Variants in ITGA8 observed in about 807,000 individuals in gnomAD.
ITGA8 encodes integrin subunit alpha 8, also known as integrin alpha-8.
In ITGA8, 91 loss-of-function variants were observed where a neutral mutation model predicts 142.3. The observed-to-expected ratio is 0.64, with a 90% CI of 0.54 to 0.76. The LOEUF (loss-of-function observed/expected upper bound fraction) is 0.76. Among genes scored for constraint, ITGA8 ranks in the 30% least tolerant of loss-of-function variants. The pLI is 0.00. For missense variants in ITGA8, 1,406 were observed against 1,327.7 expected, an observed-to-expected ratio of 1.06 and a Z score of -0.92; for synonymous variants, 505 against 485.2, an observed-to-expected ratio of 1.04 and a Z score of -0.54.
In ITGA8 at chr10:15,644,344, C is replaced by T. The variant is rs577289332; in HGVS notation, c.1208-123G>A. 966 of 834,826 alleles carry T rather than the reference C, an allele frequency of 1.2e-3. 6 individuals carry two copies. Among genetic ancestry groups the T allele is most frequent in the Non-Finnish European group, 1.7e-3 (919 of 555,456 alleles). 51.7% of individuals were successfully genotyped at this position (834,826 alleles called of 1,614,324 possible). On this transcript the variant is annotated intron_variant, in intron 12 of 29. Transcript: ENST00000378076. ...GTGCAGTGGTGGGATCATGGCTCAC[C>T]GCAGCCCCACACTCCCGGACTCAAG...
chr10:15,543,825 G>A (rs1464681390), intron 27 of ITGA8, among the ~76,000 whole-genome samples: 1 of 152,156 alleles, frequency 6.6e-6, no homozygotes, highest in Non-Finnish European at 1.5e-5. Flanking sequence ...ATTAAGGTAA[G>A]GTTTGAGATG....
At chr10:15,710,794 A>T (rs1252973505) in intron 2 of ITGA8, among the ~76,000 whole-genome samples, 1 of 152,182 alleles carries the variant, frequency 6.6e-6, no homozygotes. Flanking sequence ...ATTGGCTTCC[A>T]CTGCTGTACC....
At chr10:15,546,910 A>G (rs1833683515) in intron 27 of ITGA8, among the ~76,000 whole-genome samples, 1 of 152,110 alleles carries the variant, frequency 6.6e-6, no homozygotes, top group South Asian at 2.1e-4. Context: ...TGGCTTCACA[A>G]TGACCTTTAA....
At chr10:15,618,834 G>C (rs775992801) in intron 13 of ITGA8, among the ~76,000 whole-genome samples, 1 of 152,146 alleles carries the variant, frequency 6.6e-6, no homozygotes, top group African/African-American at 2.4e-5. Flanking sequence ...ACCTCACCTT[G>C]TCATCGTGTG....
At chr10:15,649,211 A>C (rs1338022982) in intron 11 of ITGA8, among the ~76,000 whole-genome samples, 2 of 152,144 alleles carry the variant, frequency 1.3e-5, no homozygotes, top group Non-Finnish European at 2.9e-5. Flanking sequence ...AAGAATTCTT[A>C]AAAATTAACC....
Position 15,718,840 on chromosome 10 carries a change from C to G in ITGA8, c.269G>C (p.Gly90Ala). 4 of 1,614,176 alleles carry G rather than the reference C, an allele frequency of 2.5e-6. No homozygotes were observed. The highest frequency in any genetic ancestry group is 3.4e-6 in the Non-Finnish European group (4 of 1,180,036). Residue 90 changes from glycine (G) to alanine (A), a missense_variant, in exon 2 of 30, where the codon GGG becomes GCG. Physicochemically the swap from Gly to Ala is moderately conservative, Grantham distance 60. Transcript: ENST00000378076. ...ANTSQPDIVE[G>A]GAVYYCPWPA... ...CCAAGGACAGTAATAGACGGCTCCC[C>G]CTTCCACGATATCGGGCTGGCTGGT...
rs1438630517 is a variant in ITGA8, at chr10:15,606,152, A to G, written c.1902+133T>C. Reference sequence around the variant, plus strand: ...GCAGTGTTTCAGGAAACATGGTAGGAAAACTCCCAAATGTTCCATGTCTGC... The same window carrying G: ...GCAGTGTTTCAGGAAACATGGTAGGGAAACTCCCAAATGTTCCATGTCTGC... On this transcript the variant is annotated intron_variant, in intron 18 of 29. Coordinates refer to ENST00000378076, the MANE Select transcript of ITGA8 (RefSeq NM_003638.3). The G allele has an allele frequency of 6.5e-6, 5 of 768,484 alleles. No homozygotes were observed. The South Asian group carries it at 9.0e-5, about 14-fold the overall frequency. 47.6% of individuals were successfully genotyped at this position (768,484 alleles called of 1,614,324 possible).
rs1834681410 is a variant in ITGA8 at position 15,678,800 on chromosome 10, A to T, written c.569-17T>A. 2.6e-6 allele frequency: 4 copies of T among 1,534,536 alleles called. No individual in the cohort carries two copies. The highest frequency in any genetic ancestry group is 3.6e-6 in the Non-Finnish European group (4 of 1,112,696). On this transcript the variant is annotated splice_polypyrimidine_tract_variant and intron_variant, in intron 4 of 29. Coordinates refer to ENST00000378076, the MANE Select transcript of ITGA8 (RefSeq NM_003638.3). Reference sequence around the variant, plus strand: ...CAGCATTGCCTAGAACGATCAAAATACATAAATGTTATAACGTTATCATTC... The same window carrying T: ...CAGCATTGCCTAGAACGATCAAAATTCATAAATGTTATAACGTTATCATTC...
chr10:15,613,853 A>G, intron 14 of ITGA8, 86 bp from the exon 15 acceptor site: 1 of 867,484 alleles, frequency 1.2e-6, no homozygotes, highest in South Asian at 1.5e-5. Context: ...TACTGAACTC[A>G]GTAGTAGACA....
chr10:15,613,612 G>A (rs1256693529), intron 15 of ITGA8, 48 bp downstream of exon 15: 8 of 1,222,890 alleles, frequency 6.5e-6, no homozygotes, highest in African/African-American at 6.0e-5. Flanking sequence ...AAGATACCCA[G>A]GTGATGTGAA....
At chr10:15,615,425 T>C (rs1418568579) in intron 14 of ITGA8, among the ~76,000 whole-genome samples, 5 of 152,238 alleles carry the variant, frequency 3.3e-5, no homozygotes, top group Non-Finnish European at 5.9e-5. Context: ...AGGTTAGCAC[T>C]ATGCACCTAG....
At chr10:15,564,303 T>A (rs1296462015) in intron 25 of ITGA8, among the ~76,000 whole-genome samples, 1 of 152,134 alleles carries the variant, frequency 6.6e-6, no homozygotes, top group African/African-American at 2.4e-5. Context: ...TAAACAACAG[T>A]TAAAGCCCAT....
intron 8 of ITGA8, among the ~76,000 whole-genome samples, chr10:15,662,197 A>G (rs1483639519): frequency 6.6e-6 from 1 of 152,186 alleles, no homozygotes; most frequent in African/African-American, 2.4e-5. Context: ...ATAAGTGATC[A>G]GGACAGCTTA....
chr10:15,651,531 G>T (rs7089606), intron 11 of ITGA8, among the ~76,000 whole-genome samples: 60 of 149,812 alleles, frequency 4.0e-4, no homozygotes, highest in Middle Eastern at 3.4e-3. Context: ...CTTATTGACA[G>T]TTTTTTTTTT....
intron 26 of ITGA8, among the ~76,000 whole-genome samples, chr10:15,556,849 G>C (rs962960901): frequency 6.6e-6 from 1 of 152,106 alleles, no homozygotes; most frequent in Non-Finnish European, 1.5e-5. Context: ...CACTTCTCTT[G>C]TTTGCTTGCT....
intron 2 of ITGA8, among the ~76,000 whole-genome samples, chr10:15,717,639 T>C (rs183383104): frequency 7.2e-5 from 11 of 152,370 alleles, no homozygotes; most frequent in Non-Finnish European, 1.2e-4. Context: ...ACAGGCATGA[T>C]AAAAATATAA....
At chr10:15,696,861 C>CAAAAA (rs750418009) in intron 2 of ITGA8, among the ~76,000 whole-genome samples, 3 of 52,560 alleles carry the variant, frequency 5.7e-5, no homozygotes, top group East Asian at 4.9e-4. Flanking sequence ...TAACTCTTAC[C>CAAAAA]AAAAAAAAAA....
rs903425414 is a variant in ITGA8, at chr10:15,608,121, A to T, written c.1609+114T>A. 66 of 762,104 alleles carry T rather than the reference A, an allele frequency of 8.7e-5. No homozygotes were observed. In the Middle Eastern group the frequency reaches 2.2e-3, roughly 25 times the overall value. The allele number at this position is 762,104 out of a possible 1,614,324, so 47.2% of individuals were successfully genotyped here. On this transcript the variant is annotated intron_variant, in intron 16 of 29. Transcript: ENST00000378076. ...TTAGAAGGTTCCATATATGCAACAG[A>T]TATCTTGGTATTCCTCAAGGGTTCT...
Position 15,579,511 on chromosome 10 carries a change from C to A in ITGA8, c.2373-3917G>T, listed in dbSNP as rs150318609. ...TTTAAATTTATTTTGGAATTAAGAA[C>A]CAGTTTCAATTTATTTTTGGCTAGA... On this transcript the variant is annotated intron_variant, in intron 23 of 29. Transcript: ENST00000378076. 3.9e-3 allele frequency among the ~76,000 whole-genome samples: 590 copies of A among 151,908 alleles called. 5 individuals carry two copies. The highest frequency in any genetic ancestry group is 0.014 in the African/African-American group (569 of 41,468).
Sources: allele counts gnomAD v4.1 joint callset (sites outside exome capture counted in the v4.1 genomes callset), GRCh38; gene constraint gnomAD v4.1.1; transcripts MANE v1.5; gene names NCBI Gene and HGNC (gene_info 2026-07-23, HGNC 2026-07-21).